MTUS2: variants seen among roughly 807,000 people sequenced by gnomAD.
MTUS2 encodes microtubule-associated tumor suppressor candidate 2.
In MTUS2, 40 loss-of-function variants were observed where a neutral mutation model predicts 114.1. That is an observed-to-expected ratio of 0.35 (90% CI 0.27 to 0.46). The LOEUF is 0.46. Ranked by LOEUF, MTUS2 falls within the 20% of genes least tolerant of loss-of-function variation. MTUS2 has a pLI of 1.00. For missense variants in MTUS2, 1,679 were observed against 1,705.4 expected (o/e 0.98, Z 0.27); for synonymous variants, 688 against 672.0 (o/e 1.02, Z -0.37).
intron 9 of MTUS2, among the ~76,000 whole-genome samples, chr13:29,466,756 A>G (rs1251037269): frequency 1.3e-5 from 2 of 151,750 alleles, no homozygotes; most frequent in Admixed American, 1.3e-4. Context: ...GCGTGTCTAT[A>G]GTCCCAGCTA....
At chr13:28,899,896 T>C (rs982653764) in intron 2 of MTUS2, among the ~76,000 whole-genome samples, 3 of 151,836 alleles carry the variant, frequency 2.0e-5, no homozygotes, top group Non-Finnish European at 4.4e-5. Flanking sequence ...TATTTTACTT[T>C]TTTTGAGATG....
chr13:28,996,823 A>G (rs891404169), intron 2 of MTUS2, among the ~76,000 whole-genome samples: 2 of 151,950 alleles, frequency 1.3e-5, no homozygotes, highest in African/African-American at 4.8e-5. Flanking sequence ...CGGTCTATCA[A>G]TTTTGTTGAT....
At chr13:28,924,776 G>T (rs1881238772) in intron 2 of MTUS2, among the ~76,000 whole-genome samples, 1 of 152,118 alleles carries the variant, frequency 6.6e-6, no homozygotes, top group Non-Finnish European at 1.5e-5. Context: ...TCTTTGGATT[G>T]TCTAGAGGTT....
intron 4 of MTUS2, among the ~76,000 whole-genome samples, chr13:29,069,056 G>A (rs898079747): frequency 1.3e-5 from 2 of 152,192 alleles, no homozygotes; most frequent in African/African-American, 4.8e-5. Flanking sequence ...CCCAACTTAG[G>A]TAGTGGGAGG....
chr13:29,151,503 C>G (rs547833320), intron 5 of MTUS2, among the ~76,000 whole-genome samples: 61 of 152,274 alleles, frequency 4.0e-4, no homozygotes, highest in African/African-American at 1.4e-3. Flanking sequence ...TTGACTTCCT[C>G]TCTTCCTGTT....
chr13:28,839,525 T>C (rs1383399058), intron 1 of MTUS2, among the ~76,000 whole-genome samples: 1 of 152,198 alleles, frequency 6.6e-6, no homozygotes, highest in Non-Finnish European at 1.5e-5. Context: ...ACTGAAGTCA[T>C]GTAATCCACT....
At chr13:29,443,314 C>A (rs973573636) in intron 9 of MTUS2, among the ~76,000 whole-genome samples, 1 of 152,226 alleles carries the variant, frequency 6.6e-6, no homozygotes. Context: ...AGCTTTGGCT[C>A]TGGGGGCCCT....
chr13:29,090,964 G>A lies in MTUS2; in HGVS notation c.2447-9809G>A, dbSNP rs928109729. ...GGAGTATCCTGCAGCTAGGATCCTG[G>A]AGGTCTGTGGAGAGAGTAGTCCACT... On this transcript the variant is annotated intron_variant, in intron 4 of 15. Transcript: ENST00000612955. 2.0e-5 allele frequency among the ~76,000 whole-genome samples: 3 copies of A among 152,194 alleles called. No homozygotes were observed. In the East Asian group the frequency reaches 5.8e-4, roughly 30 times the overall value.
intron 2 of MTUS2, among the ~76,000 whole-genome samples, chr13:28,990,888 A>G (rs1311782756): frequency 6.6e-6 from 1 of 152,026 alleles, no homozygotes; most frequent in Admixed American, 6.5e-5. Context: ...TCCAGAAGTC[A>G]GCGAGACCAC....
chr13:28,980,679 A>G (rs1178961810), intron 2 of MTUS2, among the ~76,000 whole-genome samples: 2 of 152,234 alleles, frequency 1.3e-5, no homozygotes, highest in African/African-American at 4.8e-5. Flanking sequence ...ATGTATAGGA[A>G]TATCTGTAGG....
rs1452285550 is a variant in MTUS2 at position 28,828,904 on chromosome 13, T to A, written c.-316+8293T>A. 4.6e-5 allele frequency among the ~76,000 whole-genome samples: 7 copies of A among 152,324 alleles called. No homozygotes were observed. In the East Asian group the frequency reaches 1.3e-3, roughly 29 times the overall value. On this transcript the variant is annotated intron_variant, in intron 1 of 15. Transcript: ENST00000612955. ...TGTTACTGATCCTATCTATAAAGTT[T>A]TAATATTTCGTTCATCATGGATTTT...
intron 8 of MTUS2, among the ~76,000 whole-genome samples, chr13:29,400,501 A>G (rs538115511): frequency 6.6e-6 from 1 of 152,364 alleles, no homozygotes; most frequent in African/African-American, 2.4e-5. Flanking sequence ...GTATATGCTT[A>G]CCATGATATT....
intron 2 of MTUS2, among the ~76,000 whole-genome samples, chr13:28,993,008 T>C (rs1424964056): frequency 6.6e-6 from 1 of 152,224 alleles, no homozygotes; most frequent in Admixed American, 6.5e-5. Context: ...GTTTTTTCAT[T>C]GATCTTTTTC....
chr13:29,272,144 G>A (rs1897903765), intron 5 of MTUS2, among the ~76,000 whole-genome samples: 1 of 152,046 alleles, frequency 6.6e-6, no homozygotes, highest in African/African-American at 2.4e-5. Context: ...ATACACTTCG[G>A]TTAAAATATG....
chr13:29,298,739 A>G (rs1011330989), intron 6 of MTUS2, among the ~76,000 whole-genome samples: 1 of 152,216 alleles, frequency 6.6e-6, no homozygotes, highest in African/African-American at 2.4e-5. Context: ...ACTGTAGCAT[A>G]TGATATGCAT....
rs578175452 is a variant in MTUS2 at position 29,070,069 on chromosome 13, T to C, written c.2447-30704T>C. On this transcript the variant is annotated intron_variant, in intron 4 of 15. Coordinates refer to ENST00000612955, the MANE Select transcript of MTUS2 (RefSeq NM_001033602.4). ...GGTGGACAGTACTGAGTGATTTGGG[T>C]AGATGGAATCTCATGCTGGAGAGAG... 2.6e-5 allele frequency among the ~76,000 whole-genome samples: 4 copies of C among 152,268 alleles called. No individual in the cohort carries two copies. In the South Asian group the frequency reaches 8.3e-4, roughly 32 times the overall value.
chr13:29,128,490 T>A (rs1891614276), intron 5 of MTUS2, among the ~76,000 whole-genome samples: 1 of 152,030 alleles, frequency 6.6e-6, no homozygotes, highest in South Asian at 2.1e-4. Flanking sequence ...TACCAGAAAA[T>A]GTGAGTGCAT....
chr13:29,082,814 A>G (rs555228075), intron 4 of MTUS2, among the ~76,000 whole-genome samples: 2 of 152,128 alleles, frequency 1.3e-5, no homozygotes, highest in Non-Finnish European at 2.9e-5. Flanking sequence ...AAGGGGGTTC[A>G]GTTTCTTGTA....
intron 4 of MTUS2, among the ~76,000 whole-genome samples, chr13:29,042,325 C>G (rs1290201429): frequency 6.6e-6 from 1 of 152,140 alleles, no homozygotes; most frequent in Non-Finnish European, 1.5e-5. Flanking sequence ...CGCACTTGAT[C>G]ATGGAGGATT....
Sources: allele counts gnomAD v4.1 joint callset (sites outside exome capture counted in the v4.1 genomes callset), GRCh38; gene constraint gnomAD v4.1.1; transcripts MANE v1.5; gene names NCBI Gene and HGNC (gene_info 2026-07-23, HGNC 2026-07-21).